OPCML: variants seen among roughly 807,000 people sequenced by gnomAD.
OPCML encodes opioid-binding protein/cell adhesion molecule.
Under a neutral mutation model 37.8 loss-of-function variants are expected in OPCML, and 13 were observed. That is an observed-to-expected ratio of 0.34 (90% CI 0.22 to 0.55). OPCML has a LOEUF of 0.55. Among genes scored for constraint, OPCML ranks in the 20% least tolerant of loss-of-function variants. OPCML has a pLI of 0.91. For synonymous variants in OPCML, 176 were observed against 168.8 expected, an observed-to-expected ratio of 1.04 and a Z score of -0.33; for missense variants, 341 against 435.6, an observed-to-expected ratio of 0.78 and a Z score of 1.93.
At chr11:133,024,735 C>T (rs776735027) in intron 1 of OPCML, 29 of 945,450 alleles carry the variant, frequency 3.1e-5, no homozygotes, top group African/African-American at 5.3e-5. Context: ...CCAGCCCTCG[C>T]GCTTTTGAAT....
At chr11:132,464,413 G>A (rs557107029) in intron 4 of OPCML, among the ~76,000 whole-genome samples, 5 of 152,150 alleles carry the variant, frequency 3.3e-5, no homozygotes, top group Admixed American at 6.5e-5. Context: ...CCTACCCACC[G>A]CCTCCAGCCT....
intron 4 of OPCML, among the ~76,000 whole-genome samples, chr11:132,474,516 T>C (rs1008784837): frequency 9.2e-5 from 14 of 152,112 alleles, no homozygotes; most frequent in Admixed American, 1.3e-4. Context: ...ACCCTTTGCA[T>C]CTGCCCAGCT....
intron 3 of OPCML, among the ~76,000 whole-genome samples, chr11:132,604,782 G>A (rs1397399149): frequency 1.3e-5 from 2 of 152,094 alleles, no homozygotes; most frequent in Non-Finnish European, 2.9e-5. Context: ...TATGAATGTG[G>A]GGAAACTAAC....
At chr11:132,964,066 G>C (rs1208432491) in intron 1 of OPCML, among the ~76,000 whole-genome samples, 3 of 152,174 alleles carry the variant, frequency 2.0e-5, no homozygotes, top group Non-Finnish European at 4.4e-5. Flanking sequence ...AAATCCTTCT[G>C]TGCTGAACCC....
At chr11:133,481,502 C>T (rs969272458) in intron 1 of OPCML, among the ~76,000 whole-genome samples, 4 of 151,920 alleles carry the variant, frequency 2.6e-5, no homozygotes, top group African/African-American at 9.7e-5. Context: ...ACTGTGGCTA[C>T]AATTTTAGAT....
At chr11:132,806,838 T>C (rs1299906388) in intron 2 of OPCML, among the ~76,000 whole-genome samples, 1 of 152,174 alleles carries the variant, frequency 6.6e-6, no homozygotes, top group Non-Finnish European at 1.5e-5. Flanking sequence ...TTCACCAATA[T>C]ATACCATTAT....
chr11:133,256,338 C>T (rs1941311534), intron 1 of OPCML, among the ~76,000 whole-genome samples: 1 of 152,156 alleles, frequency 6.6e-6, no homozygotes, highest in South Asian at 2.1e-4. Context: ...ATAATAATAC[C>T]TTCCTTGTAG....
Position 132,419,887 on chromosome 11 carries a change from G to C in OPCML, c.*306C>G. 1 of 319,786 alleles carries C rather than the reference G, an allele frequency of 3.1e-6. No homozygotes were observed. Among genetic ancestry groups the C allele is most frequent in the East Asian group, 6.1e-5 (1 of 16,458 alleles). 19.8% of individuals were successfully genotyped at this position (319,786 alleles called of 1,614,324 possible). ...TGTGTGTGGCAGAGGATGTTGTTGG[G>C]AATGATGATGAGGAGAGAAGCAGAG... On this transcript the variant is annotated 3_prime_UTR_variant, in exon 8 of 8. Coordinates refer to ENST00000524381, the MANE Select transcript of OPCML (RefSeq NM_001012393.5).
chr11:133,524,416 C>G (rs1948450937), intron 1 of OPCML, among the ~76,000 whole-genome samples: 1 of 152,204 alleles, frequency 6.6e-6, no homozygotes, highest in Admixed American at 6.5e-5. Flanking sequence ...GTATCTCTAA[C>G]CCAACATTGC....
At chr11:133,147,577 G>A (rs1379093605) in intron 1 of OPCML, among the ~76,000 whole-genome samples, 2 of 152,126 alleles carry the variant, frequency 1.3e-5, no homozygotes, top group Non-Finnish European at 2.9e-5. Flanking sequence ...GCTTACCTGG[G>A]ATCGATGTTT....
chr11:132,625,440 A>G (rs991855504), intron 3 of OPCML, among the ~76,000 whole-genome samples: 1 of 152,144 alleles, frequency 6.6e-6, no homozygotes, highest in South Asian at 2.1e-4. Flanking sequence ...CCGCCATGTT[A>G]TACAGCCTCT....
chr11:132,717,703 G>A (rs1477223817), intron 2 of OPCML, among the ~76,000 whole-genome samples: 1 of 152,172 alleles, frequency 6.6e-6, no homozygotes, highest in Non-Finnish European at 1.5e-5. Context: ...AAGAAAGGAA[G>A]AGCCTTTGAA....
intron 1 of OPCML, among the ~76,000 whole-genome samples, chr11:133,162,281 A>G (rs1950153765): frequency 6.6e-6 from 1 of 152,186 alleles, no homozygotes; most frequent in Non-Finnish European, 1.5e-5. Context: ...TGAGACGTGC[A>G]GGACAAGGCC....
At chr11:132,766,515 T>C (rs891322125) in intron 2 of OPCML, among the ~76,000 whole-genome samples, 2 of 152,114 alleles carry the variant, frequency 1.3e-5, no homozygotes, top group African/African-American at 4.8e-5. Flanking sequence ...TCAGACAAAC[T>C]CTTCTCCTGG....
At chr11:133,255,750 C>A (rs549768334) in intron 1 of OPCML, among the ~76,000 whole-genome samples, 2 of 152,260 alleles carry the variant, frequency 1.3e-5, no homozygotes, top group African/African-American at 4.8e-5. Context: ...AAACAGCTCT[C>A]CCTTCACACT....
intron 2 of OPCML, among the ~76,000 whole-genome samples, chr11:132,717,791 A>T (rs984827460): frequency 4.6e-5 from 7 of 152,308 alleles, no homozygotes; most frequent in Admixed American, 1.3e-4. Context: ...CCTCTCTATG[A>T]GGGAAACACA....
intron 4 of OPCML, among the ~76,000 whole-genome samples, chr11:132,508,855 A>G (rs575152627): frequency 1.3e-5 from 2 of 152,270 alleles, no homozygotes; most frequent in Non-Finnish European, 2.9e-5. Context: ...AAATGGACTA[A>G]TACAGTAAAT....
At chr11:132,658,073 G>C (rs779020015) in intron 2 of OPCML, among the ~76,000 whole-genome samples, 18 of 152,318 alleles carry the variant, frequency 1.2e-4, no homozygotes, top group South Asian at 4.1e-4. Context: ...AACAAGGCCT[G>C]TGTGTCAGTG....
rs182931286 is a variant in OPCML, at chr11:132,832,713, T to C, written c.146+110213A>G. Among the ~76,000 whole-genome samples the C allele has an allele frequency of 1.1e-4, 16 of 152,354 alleles. No individual in the cohort carries two copies. The East Asian group carries it at 2.9e-3, about 28-fold the overall frequency. ...TAGCTGAGATACATTAGATTCCATC[T>C]TTTTGTAGGCTCAACAGAGTGTACA... is the stretch of plus-strand genomic sequence containing the variant. On this transcript the variant is annotated intron_variant, in intron 2 of 7. Coordinates refer to ENST00000524381, the MANE Select transcript of OPCML (RefSeq NM_001012393.5).
Sources: allele counts gnomAD v4.1 joint callset (sites outside exome capture counted in the v4.1 genomes callset), GRCh38; gene constraint gnomAD v4.1.1; transcripts MANE v1.5; gene names NCBI Gene and HGNC (gene_info 2026-07-23, HGNC 2026-07-21).